CABCOCO1: variants seen among roughly 807,000 people sequenced by gnomAD.
CABCOCO1 encodes ciliary associated calcium binding coiled-coil 1.
In CABCOCO1, 28 loss-of-function variants were observed where a neutral mutation model predicts 35.7. That is an observed-to-expected ratio of 0.78 (90% confidence interval 0.58 to 1.07). CABCOCO1 has a LOEUF of 1.07. CABCOCO1 is among the 50% of genes least tolerant of loss of function. The pLI is 0.00. For missense variants in CABCOCO1, 326 were observed against 309.2 expected, an observed-to-expected ratio of 1.05 and a Z score of -0.41; for synonymous variants, 95 against 100.1, an observed-to-expected ratio of 0.95 and a Z score of 0.30.
intron 5 of CABCOCO1, among the ~76,000 whole-genome samples, chr10:61,753,269 G>A (rs1365403925): frequency 6.6e-6 from 1 of 152,056 alleles, no homozygotes; most frequent in African/African-American, 2.4e-5. Context: ...AGAATTGTTT[G>A]AAATATTTTA....
chr10:61,680,664 TGTATAAC>T lies in CABCOCO1; in HGVS notation c.165-478_165-472del, dbSNP rs1564532669. 2.4e-4 allele frequency among the ~76,000 whole-genome samples: 16 copies of T among 67,642 alleles called. 1 individual carries two copies. The highest frequency in any genetic ancestry group is 7.6e-4 in the East Asian group (2 of 2,642). 44.4% of individuals were successfully genotyped at this position (67,642 alleles called of 152,430 possible). On this transcript the variant is annotated intron_variant, in intron 2 of 7. Transcript: ENST00000648843. ...TATATAATATATATTATGTTATACA[TGTATAAC>T]ATATATGTTATACATGTATAACATA...
chr10:61,721,770 A>G (rs1841028049), intron 5 of CABCOCO1, among the ~76,000 whole-genome samples: 1 of 152,212 alleles, frequency 6.6e-6, no homozygotes, highest in Non-Finnish European at 1.5e-5. Context: ...CATAGAATTC[A>G]GTGTCACAAG....
At chr10:61,746,863 A>C (rs981746557) in intron 5 of CABCOCO1, among the ~76,000 whole-genome samples, 14 of 152,154 alleles carry the variant, frequency 9.2e-5, no homozygotes, top group African/African-American at 1.2e-4. Flanking sequence ...ACAAAAAAAA[A>C]CCATAATTTA....
intron 5 of CABCOCO1, among the ~76,000 whole-genome samples, chr10:61,715,671 T>C (rs1217730208): frequency 6.6e-6 from 1 of 152,228 alleles, no homozygotes; most frequent in Non-Finnish European, 1.5e-5. Context: ...TTTCCATGTT[T>C]AGTGCTTCCT....
chr10:61,664,402 T>C (rs1323749447), intron 1 of CABCOCO1, among the ~76,000 whole-genome samples: 1 of 152,156 alleles, frequency 6.6e-6, no homozygotes, highest in African/African-American at 2.4e-5. Context: ...AATCTGGACT[T>C]TAAAAAAATA....
intron 5 of CABCOCO1, among the ~76,000 whole-genome samples, chr10:61,715,376 T>A (rs949289606): frequency 6.6e-6 from 1 of 152,202 alleles, no homozygotes; most frequent in Non-Finnish European, 1.5e-5. Flanking sequence ...CAGATCTTCC[T>A]CCATCTCTTT....
chr10:61,755,367 G>A (rs188920888), intron 5 of CABCOCO1, among the ~76,000 whole-genome samples: 1 of 152,030 alleles, frequency 6.6e-6, no homozygotes, highest in Non-Finnish European at 1.5e-5. Context: ...TTCTTCAAGG[G>A]GGGGAAAATA....
intron 2 of CABCOCO1, among the ~76,000 whole-genome samples, chr10:61,673,711 C>A (rs74156246): frequency 0.021 from 3,192 of 152,306 alleles, 125 homozygotes; most frequent in African/African-American, 0.073. Context: ...CTGCTCAGCT[C>A]TAGCGCTGGC....
chr10:61,759,099 C>G (rs1841956460), intron 5 of CABCOCO1, among the ~76,000 whole-genome samples: 1 of 151,728 alleles, frequency 6.6e-6, no homozygotes, highest in Non-Finnish European at 1.5e-5. Flanking sequence ...AAGCTCTAAT[C>G]TCAGGGCCTG....
intron 5 of CABCOCO1, among the ~76,000 whole-genome samples, chr10:61,724,927 G>A (rs560413293): frequency 1.3e-5 from 2 of 152,092 alleles, no homozygotes; most frequent in East Asian, 1.9e-4. Context: ...AAACCTGCAT[G>A]TTGTGCACAT....
At chr10:61,701,462 C>T (rs1047586727) in intron 5 of CABCOCO1, among the ~76,000 whole-genome samples, 1 of 151,948 alleles carries the variant, frequency 6.6e-6, no homozygotes, top group African/African-American at 2.4e-5. Context: ...TTATATAAGT[C>T]ATAAAAAATG....
At chr10:61,666,232 G>A (rs983172962) in intron 1 of CABCOCO1, among the ~76,000 whole-genome samples, 1 of 152,184 alleles carries the variant, frequency 6.6e-6, no homozygotes, top group African/African-American at 2.4e-5. Context: ...CATCGTTACA[G>A]AGAAAACTCG....
intron 5 of CABCOCO1, among the ~76,000 whole-genome samples, chr10:61,720,914 A>ATTTTTTTTTTTTT (rs1840992456): frequency 1.7e-5 from 1 of 60,284 alleles, no homozygotes; most frequent in Non-Finnish European, 4.0e-5. Flanking sequence ...TTTTCTTTTC[A>ATTTTTTTTTTTTT]TTCTTTTTTT....
chr10:61,696,322 T>C (rs1445405492), intron 5 of CABCOCO1, among the ~76,000 whole-genome samples: 1 of 151,946 alleles, frequency 6.6e-6, no homozygotes. Flanking sequence ...TCAGCTGAAG[T>C]ACTAAATTTA....
intron 5 of CABCOCO1, among the ~76,000 whole-genome samples, chr10:61,742,599 C>T (rs1279164887): frequency 1.3e-5 from 2 of 152,042 alleles, no homozygotes; most frequent in African/African-American, 4.8e-5. Context: ...TCTTGTTCCT[C>T]GTCTAAAAAT....
At chr10:61,727,887 A>C (rs1160744353) in intron 5 of CABCOCO1, among the ~76,000 whole-genome samples, 1 of 152,214 alleles carries the variant, frequency 6.6e-6, no homozygotes, top group Non-Finnish European at 1.5e-5. Context: ...TCATCCCTCT[A>C]TATATAAACT....
intron 1 of CABCOCO1, among the ~76,000 whole-genome samples, chr10:61,665,343 C>T (rs1589104522): frequency 6.6e-6 from 1 of 152,180 alleles, no homozygotes; most frequent in African/African-American, 2.4e-5. Context: ...GCTTGCCAAC[C>T]TTCTGAATTC....
chr10:61,711,945 G>A (rs1840741710), intron 5 of CABCOCO1, among the ~76,000 whole-genome samples: 1 of 152,006 alleles, frequency 6.6e-6, no homozygotes, highest in African/African-American at 2.4e-5. Context: ...ATTGTGAATA[G>A]TGCTGCAAAA....
In CABCOCO1 at chr10:61,711,866, T is replaced by TA. The variant is rs1195303721; in HGVS notation, c.552+21251dup. 2.6e-5 allele frequency among the ~76,000 whole-genome samples: 4 copies of TA among 151,772 alleles called. No homozygotes were observed. The East Asian group carries it at 5.8e-4, about 22-fold the overall frequency. ...CATAACCCATGGATAAAAGAAGAAA[T>TA]AAAAAAGGAATTTAAAAAGCATTTT... On this transcript the variant is annotated intron_variant, in intron 5 of 7. Transcript: ENST00000648843.
Sources: gnomAD v4.1 joint callset for allele counts (sites outside exome capture counted in the v4.1 genomes callset) on GRCh38, gnomAD v4.1.1 for gene constraint, MANE v1.5 for transcripts, NCBI Gene and HGNC (gene_info 2026-07-23, HGNC 2026-07-21) for gene names.